The following MACROD1 variants were observed in gnomAD, a reference collection of about 807,000 sequenced individuals.
MACROD1 encodes the protein mono-ADP ribosylhydrolase 1, also known as ADP-ribose glycohydrolase MACROD1.
A neutral mutation model predicts 41.4 loss-of-function variants in MACROD1; 31 were observed. The observed-to-expected ratio is 0.75, with a 90% confidence interval of 0.56 to 1.01. MACROD1 has a LOEUF of 1.01. MACROD1 is among the 50% of genes least tolerant of loss of function. The pLI is 0.00. For missense variants in MACROD1, 473 were observed against 460.0 expected (o/e 1.03, Z -0.26); for synonymous variants, 252 against 203.4 (o/e 1.24, Z -2.03).
At chr11:64,144,836 G>A (rs1180304856) in intron 3 of MACROD1, among the ~76,000 whole-genome samples, 3 of 152,272 alleles carry the variant, frequency 2.0e-5, no homozygotes, top group African/African-American at 7.2e-5. Context: ...GACAGATAAA[G>A]CGATTTACGG....
intron 3 of MACROD1, among the ~76,000 whole-genome samples, chr11:64,062,398 C>T (rs1464430297): frequency 2.0e-5 from 3 of 152,180 alleles, no homozygotes; most frequent in Non-Finnish European, 4.4e-5. Flanking sequence ...GGTCTTATGT[C>T]TGCCTAGCCC....
intron 3 of MACROD1, among the ~76,000 whole-genome samples, chr11:64,044,700 T>G (rs1454639277): frequency 2.6e-5 from 4 of 152,194 alleles, no homozygotes; most frequent in African/African-American, 9.6e-5. Context: ...GATGGGAAAC[T>G]GAGGCATGGA....
chr11:64,148,166 C>G (rs1249395222), intron 3 of MACROD1, among the ~76,000 whole-genome samples: 1 of 152,152 alleles, frequency 6.6e-6, no homozygotes, highest in African/African-American at 2.4e-5. Context: ...CAGGGCCCTG[C>G]TGAGTGGCAA....
chr11:64,136,007 C>T (rs1945326254), intron 3 of MACROD1, among the ~76,000 whole-genome samples: 1 of 152,212 alleles, frequency 6.6e-6, no homozygotes, highest in Admixed American at 6.5e-5. Flanking sequence ...GCCCGATGGA[C>T]GTCCTAGGCA....
rs1478450505 is a variant in MACROD1, at chr11:64,118,648, G to A, written c.517+32591C>T. On this transcript the variant is annotated intron_variant, in intron 3 of 10. Transcript: ENST00000255681. ...GGATACTACCTGTACAACATCTGTG[G>A]ACACCTCATGCTCTGTTCAAGGCCA... 6 of 212,234 alleles carry A rather than the reference G, an allele frequency of 2.8e-5. No individual in the cohort carries two copies. In the South Asian group the frequency reaches 4.0e-4, roughly 14 times the overall value. The allele number at this position is 212,234 out of a possible 1,614,324, so 13.1% of individuals were successfully genotyped here. A position where few individuals can be genotyped will look rare whatever the true frequency, so the allele number is the denominator to read the frequency against.
chr11:63,998,715 CTATG>C (rs890173354), intron 10 of MACROD1, 28 bp from the exon 11 acceptor site: 19 of 1,412,576 alleles, frequency 1.3e-5, no homozygotes, highest in Non-Finnish European at 1.7e-5. Flanking sequence ...TCAGAGGTGT[CTATG>C]GGCGTCCCCG....
intron 3 of MACROD1, among the ~76,000 whole-genome samples, chr11:64,113,417 CATGGATGGATGG>C (rs71045732): frequency 7.6e-5 from 11 of 144,716 alleles, no homozygotes; most frequent in Non-Finnish European, 1.1e-4. Flanking sequence ...CAGGTTGATG[CATGGATGGATGG>C]ATGGATGGAT....
chr11:64,104,651 C>A (rs1944726888), intron 3 of MACROD1, among the ~76,000 whole-genome samples: 1 of 152,006 alleles, frequency 6.6e-6, no homozygotes, highest in South Asian at 2.1e-4. Flanking sequence ...CAGGGCCCGC[C>A]CCTGTTCTGG....
intron 3 of MACROD1, among the ~76,000 whole-genome samples, chr11:64,023,533 T>C (rs1376659450): frequency 6.6e-6 from 1 of 152,162 alleles, no homozygotes; most frequent in African/African-American, 2.4e-5. Context: ...CCAGCACTCC[T>C]GGTAAGTCAG....
At chr11:64,030,909 G>C (rs1413585427) in intron 3 of MACROD1, among the ~76,000 whole-genome samples, 1 of 151,890 alleles carries the variant, frequency 6.6e-6, no homozygotes, top group Non-Finnish European at 1.5e-5. Context: ...GAAGGTGGGT[G>C]GGTGGTGGGG....
chr11:64,080,504 A>G (rs1268014293), intron 3 of MACROD1, among the ~76,000 whole-genome samples: 8 of 152,234 alleles, frequency 5.3e-5, no homozygotes, highest in Admixed American at 4.6e-4. Flanking sequence ...CCTCAGGTTT[A>G]TCATTTGTAA....
At chr11:64,108,593 G>C (rs1395912255) in intron 3 of MACROD1, among the ~76,000 whole-genome samples, 1 of 152,246 alleles carries the variant, frequency 6.6e-6, no homozygotes, top group African/African-American at 2.4e-5. Context: ...CCATCACAGA[G>C]CTGGAGATGA....
chr11:64,141,111 G>T (rs1355297287), intron 3 of MACROD1, among the ~76,000 whole-genome samples: 1 of 152,210 alleles, frequency 6.6e-6, no homozygotes, highest in Admixed American at 6.5e-5. Context: ...CTCCAGCCTG[G>T]GTGGCAGAGC....
chr11:64,100,424 G>A (rs537093153), intron 3 of MACROD1, among the ~76,000 whole-genome samples: 1 of 152,246 alleles, frequency 6.6e-6, no homozygotes, highest in South Asian at 2.1e-4. Context: ...TCAAAAAATG[G>A]TTTATTGGTT....
chr11:64,142,103 C>T (rs1419616017), intron 3 of MACROD1, among the ~76,000 whole-genome samples: 1 of 152,206 alleles, frequency 6.6e-6, no homozygotes, highest in Non-Finnish European at 1.5e-5. Flanking sequence ...AATGGATCAG[C>T]CCCTTCAGGC....
intron 3 of MACROD1, among the ~76,000 whole-genome samples, chr11:64,052,494 T>C (rs1288103898): frequency 3.3e-5 from 5 of 152,174 alleles, no homozygotes; most frequent in Non-Finnish European, 7.3e-5. Flanking sequence ...AAGGTTTAAA[T>C]GTTGACATGA....
intron 3 of MACROD1, among the ~76,000 whole-genome samples, chr11:64,053,519 G>A (rs1943730912): frequency 6.6e-6 from 1 of 152,142 alleles, no homozygotes; most frequent in Admixed American, 6.5e-5. Context: ...GGTTGGGGAG[G>A]CAAGGCTGGT....
chr11:64,133,901 G>A (rs2134664214), intron 3 of MACROD1, among the ~76,000 whole-genome samples: 1 of 152,376 alleles, frequency 6.6e-6, no homozygotes, highest in African/African-American at 2.4e-5. Context: ...GAAGTTCCTG[G>A]AGGGGAGGGT....
At chr11:64,140,661 C>T (rs1945400396) in intron 3 of MACROD1, among the ~76,000 whole-genome samples, 1 of 152,232 alleles carries the variant, frequency 6.6e-6, no homozygotes, top group African/African-American at 2.4e-5. Context: ...TACTGAGCAT[C>T]CTACACAAGC....
Sources: gnomAD v4.1 joint callset for allele counts (sites outside exome capture counted in the v4.1 genomes callset) on GRCh38, gnomAD v4.1.1 for gene constraint, MANE v1.5 for transcripts, NCBI Gene and HGNC (gene_info 2026-07-23, HGNC 2026-07-21) for gene names.